SDK1: variants seen among roughly 807,000 people sequenced by gnomAD.
SDK1 encodes sidekick cell adhesion molecule 1, also known as protein sidekick-1.
Under a neutral mutation model 245.5 loss-of-function variants are expected in SDK1, and 157 were observed. The ratio of observed to expected loss-of-function variants is 0.64; its 90% confidence interval spans 0.56 to 0.73. The LOEUF (loss-of-function observed/expected upper bound fraction) is 0.73. Ranked by LOEUF, SDK1 falls within the 30% of genes least tolerant of loss-of-function variation. SDK1 has a pLI of 0.00. For synonymous variants in SDK1, 1,647 were observed against 1,278.5 expected (o/e 1.29, Z -6.15); for missense variants, 3,583 against 3,002.3 (o/e 1.19, Z -4.52).
intron 1 of SDK1, among the ~76,000 whole-genome samples, chr7:3,556,116 C>T (rs1300462761): frequency 1.3e-5 from 2 of 152,130 alleles, no homozygotes; most frequent in Admixed American, 6.5e-5. Context: ...ATCTGTACTT[C>T]TATGTTTTTT....
chr7:3,723,404 C>T (rs574534613), intron 4 of SDK1, among the ~76,000 whole-genome samples: 2 of 152,136 alleles, frequency 1.3e-5, no homozygotes, highest in Non-Finnish European at 2.9e-5. Flanking sequence ...CTAAGGGCTG[C>T]TACTATATCT....
At chr7:4,200,690 A>G (rs570344173) in intron 35 of SDK1, among the ~76,000 whole-genome samples, 1 of 152,360 alleles carries the variant, frequency 6.6e-6, no homozygotes, top group East Asian at 1.9e-4. Context: ...CCAGACCACA[A>G]GAGCAGGTGA....
intron 17 of SDK1, among the ~76,000 whole-genome samples, chr7:4,022,818 G>A (rs1205625042): frequency 2.1e-5 from 3 of 145,218 alleles, no homozygotes; most frequent in African/African-American, 7.9e-5. Context: ...CTGTCTCCCA[G>A]GCTGGAGTGC....
intron 1 of SDK1, among the ~76,000 whole-genome samples, chr7:3,573,059 A>T (rs937873327): frequency 1.3e-5 from 2 of 152,080 alleles, no homozygotes; most frequent in African/African-American, 2.4e-5. Context: ...GGCACAGCCA[A>T]GTGGGGCTTG....
In SDK1 at chr7:3,806,003, C is replaced by T. The variant is rs184417974; in HGVS notation, c.714-15447C>T. Among the ~76,000 whole-genome samples the T allele has an allele frequency of 9.6e-4, 146 of 151,942 alleles. 1 individual carries two copies. Among genetic ancestry groups the T allele is most frequent in the African/African-American group, 3.5e-3 (143 of 41,212 alleles). On this transcript the variant is annotated intron_variant, in intron 4 of 44. Coordinates refer to ENST00000404826, the MANE Select transcript of SDK1 (RefSeq NM_152744.4). ...TGTGAATTTTCAAGGTGTTCCTCCT[C>T]CTATAGATCTCTGTTGCTACCACAA...
intron 22 of SDK1, among the ~76,000 whole-genome samples, chr7:4,102,688 G>A (rs1019348658): frequency 6.6e-5 from 10 of 152,116 alleles, no homozygotes; most frequent in African/African-American, 7.2e-5. Flanking sequence ...CTGCCCACCA[G>A]TTTCCACCAG....
chr7:3,970,312 G>A (rs955789340), intron 11 of SDK1, among the ~76,000 whole-genome samples: 1 of 152,172 alleles, frequency 6.6e-6, no homozygotes, highest in African/African-American at 2.4e-5. Flanking sequence ...CATATGGTTG[G>A]TGTCCACTTT....
chr7:3,818,638 A>G (rs1393473773), intron 4 of SDK1, among the ~76,000 whole-genome samples: 1 of 152,220 alleles, frequency 6.6e-6, no homozygotes, highest in Non-Finnish European at 1.5e-5. Flanking sequence ...TTCTAGTGAC[A>G]GCAGCCCTAA....
At chr7:3,694,579 G>A (rs537344561) in intron 4 of SDK1, among the ~76,000 whole-genome samples, 8 of 151,638 alleles carry the variant, frequency 5.3e-5, no homozygotes, top group Non-Finnish European at 1.2e-4. Context: ...TATGTTGGTG[G>A]GGGGGGAAAA....
chr7:3,422,062 T>C (rs886865903), intron 1 of SDK1, among the ~76,000 whole-genome samples: 5 of 152,136 alleles, frequency 3.3e-5, no homozygotes, highest in African/African-American at 4.8e-5. Context: ...TTAGAAGATA[T>C]GAGGCCTTAA....
intron 22 of SDK1, among the ~76,000 whole-genome samples, chr7:4,102,427 T>G (rs925232341): frequency 1.6e-4 from 25 of 152,288 alleles, no homozygotes; most frequent in African/African-American, 4.8e-4. Flanking sequence ...GCTTGGCAGC[T>G]TTCCATGGAA....
intron 2 of SDK1, among the ~76,000 whole-genome samples, chr7:3,633,106 C>G (rs1466438681): frequency 6.6e-6 from 1 of 151,864 alleles, no homozygotes; most frequent in Non-Finnish European, 1.5e-5. Context: ...TAAGAATAGG[C>G]TTTGGTCCAA....
chr7:3,596,935 GT>G (rs1476767985), intron 1 of SDK1, among the ~76,000 whole-genome samples: 5 of 152,144 alleles, frequency 3.3e-5, no homozygotes, highest in Non-Finnish European at 7.4e-5. Context: ...CTTGAACACA[GT>G]TTGAACACTG....
intron 13 of SDK1, among the ~76,000 whole-genome samples, chr7:3,982,921 C>T (rs1380613522): frequency 6.6e-6 from 1 of 151,788 alleles, no homozygotes; most frequent in Non-Finnish European, 1.5e-5. Context: ...GAAGTTGATT[C>T]CAGCCCTCAT....
At chr7:3,540,390 G>A (rs1779020207) in intron 1 of SDK1, among the ~76,000 whole-genome samples, 1 of 152,256 alleles carries the variant, frequency 6.6e-6, no homozygotes, top group Non-Finnish European at 1.5e-5. Context: ...CTGGGTGAAA[G>A]AGTGATACTT....
intron 17 of SDK1, among the ~76,000 whole-genome samples, chr7:4,019,212 G>A (rs1321528682): frequency 1.3e-5 from 2 of 152,190 alleles, no homozygotes; most frequent in Admixed American, 6.5e-5. Context: ...AGCAGGGCAA[G>A]TTTCATTTTC....
At chr7:3,496,329 A>G (rs562403091) in intron 1 of SDK1, among the ~76,000 whole-genome samples, 10 of 152,296 alleles carry the variant, frequency 6.6e-5, no homozygotes, top group Non-Finnish European at 1.2e-4. Flanking sequence ...TTCCCTGGCA[A>G]TAGCACTGTT....
At position 4,113,408 on chromosome 7, in the gene SDK1, C is replaced by T; in HGVS notation, c.3554C>T (p.Ala1185Val). The stretch of plus-strand genomic sequence containing the variant: ...CCAACCAGCGTCACGGTCCGTACTG[C>T]CAGTGAGACCAGCCTGCGGCTTCGC... Reference protein sequence around the residue: ...VAPTSVTVRTASETSLRLRWV... With the variant: ...VAPTSVTVRTVSETSLRLRWV... Residue 1185 changes from alanine to valine, a missense_variant, in exon 24 of 45, where the codon GCC becomes GTC. Physicochemically the swap from Ala to Val is moderately conservative, Grantham distance 64 (BLOSUM62 0). Transcript: ENST00000404826. The T allele has an allele frequency of 6.2e-6, 10 of 1,613,878 alleles. No individual in the cohort carries two copies. Among genetic ancestry groups the T allele is most frequent in the Non-Finnish European group, 7.6e-6 (9 of 1,180,028 alleles).
intron 1 of SDK1, among the ~76,000 whole-genome samples, chr7:3,567,211 A>G (rs1012348403): frequency 6.6e-6 from 1 of 152,204 alleles, no homozygotes; most frequent in African/African-American, 2.4e-5. Context: ...TAAGGAGAAC[A>G]GTGCTTTGAT....
Sources: gnomAD v4.1 joint callset for allele counts (sites outside exome capture counted in the v4.1 genomes callset) on GRCh38, gnomAD v4.1.1 for gene constraint, MANE v1.5 for transcripts, NCBI Gene and HGNC (gene_info 2026-07-23, HGNC 2026-07-21) for gene names.